The following PCMT1 variants were observed in gnomAD, a reference collection of about 807,000 sequenced individuals.
The protein encoded by PCMT1 is protein-L-isoaspartate(D-aspartate) O-methyltransferase.
PCMT1 carries 9 observed loss-of-function variants against 29.2 expected under a neutral mutation model. The observed-to-expected ratio is 0.31, with a 90% CI of 0.19 to 0.54. The LOEUF is 0.54. PCMT1 is among the 20% of genes least tolerant of loss of function. The probability of loss-of-function intolerance (pLI) is 0.95; values close to 1 mark genes in which losing one functional copy is unlikely to be tolerated. For synonymous variants in PCMT1, 98 were observed against 97.5 expected, an observed-to-expected ratio of 1.00 and a Z score of -0.03; for missense variants, 184 against 282.2, an observed-to-expected ratio of 0.65 and a Z score of 2.49.
At chr6:149,805,939 CAAA>C (rs58998570) in intron 7 of PCMT1, among the ~76,000 whole-genome samples, 23 of 86,178 alleles carry the variant, frequency 2.7e-4, no homozygotes, top group African/African-American at 5.2e-4. Flanking sequence ...GACTCTGTCT[CAAA>C]AAAAAAAAAA....
intron 1 of PCMT1, among the ~76,000 whole-genome samples, chr6:149,752,126 G>A (rs1258096630): frequency 6.8e-6 from 1 of 147,312 alleles, no homozygotes; most frequent in Non-Finnish European, 1.5e-5. Context: ...CAATTTGTTG[G>A]ACTCAGGCTC....
In PCMT1 at chr6:149,796,579, T is replaced by C. The variant is rs1583052898; in HGVS notation, c.504+79T>C. 6 of 961,246 alleles carry C rather than the reference T, an allele frequency of 6.2e-6. No homozygotes were observed. The East Asian group carries it at 1.5e-4, about 24-fold the overall frequency. The allele number at this position is 961,246 out of a possible 1,614,324, so 59.5% of individuals were successfully genotyped here. ...GACTTAAATAGAAAAGACTTCTAGATGATGTTCAAAATATAATTAGACTTT... is the reference window on the plus strand; with the variant it reads ...GACTTAAATAGAAAAGACTTCTAGACGATGTTCAAAATATAATTAGACTTT... On this transcript the variant is annotated intron_variant, in intron 6 of 7. Transcript: ENST00000464889.
At chr6:149,808,972 G>A (rs897698909) in intron 7 of PCMT1, among the ~76,000 whole-genome samples, 79 of 148,598 alleles carry the variant, frequency 5.3e-4, no homozygotes, top group African/African-American at 1.8e-3. Context: ...CAATATCTTT[G>A]GCTTGGGCAT....
At position 149,749,784 on chromosome 6, in the gene PCMT1, C is replaced by CAGCGGGGACGCG. The variant is rs965069632; in HGVS notation, c.-110_-99dup. The CAGCGGGGACGCG allele has an allele frequency of 6.4e-7, 1 of 1,550,816 alleles. No individual in the cohort carries two copies. The highest frequency in any genetic ancestry group is 8.7e-7 in the Non-Finnish European group (1 of 1,146,748). ...GCGACGGCAGTAACAGCGGCAGCTA[C>CAGCGGGGACGCG]AGCGGGGACGCGAGCGGGGCGGTGA... On this transcript the variant is annotated 5_prime_UTR_variant, in exon 1 of 8. Coordinates refer to ENST00000464889, the MANE Select transcript of PCMT1 (RefSeq NM_001360452.2).
In PCMT1 at chr6:149,759,483, T is replaced by TTTCCTTTC. The variant is rs1554251257; in HGVS notation, c.55+9529_55+9530insCCTTTCTT. ...TGACTTGAAATCTATCTGCAGCTTA[T>TTTCCTTTC]TTTCTTTCTTTCTTTCTTTCTTTTT... On this transcript the variant is annotated intron_variant, in intron 1 of 7. Transcript: ENST00000464889. 3.1e-4 allele frequency among the ~76,000 whole-genome samples: 47 copies of TTTCCTTTC among 151,928 alleles called. 3 individuals are homozygous for TTTCCTTTC.
Position 149,756,512 on chromosome 6 carries a change from C to CTATTT in PCMT1, c.55+6557_55+6558insATTTT, listed in dbSNP as rs1407016123. On this transcript the variant is annotated intron_variant, in intron 1 of 7. Transcript: ENST00000464889. ...TACAGATGCACACCACCATGACTGGCTTTTTTTTTTTTTTTTTTTTTTTTT... is the reference window on the plus strand; with the variant it reads ...TACAGATGCACACCACCATGACTGGCTATTTTTTTTTTTTTTTTTTTTTTTTTTTT... 3.3e-3 allele frequency among the ~76,000 whole-genome samples: 250 copies of CTATTT among 74,718 alleles called. 55 individuals are homozygous for CTATTT. The highest frequency in any genetic ancestry group is 0.013 in the African/African-American group (242 of 18,630). 49.0% of individuals were successfully genotyped at this position (74,718 alleles called of 152,430 possible). A position where few individuals can be genotyped will look rare whatever the true frequency, so the allele number is the denominator to read the frequency against.
chr6:149,801,777 T>C lies in PCMT1; in HGVS notation c.505-423T>C, dbSNP rs189307553. 2.0e-3 allele frequency among the ~76,000 whole-genome samples: 307 copies of C among 152,290 alleles called. 1 individual carries two copies. The highest frequency in any genetic ancestry group is 3.4e-3 in the Non-Finnish European group (234 of 68,018). ...TTTGTATATACTAAATAAAGAACGT[T>C]TCTGCTTTCTGCCTATGGACACTAA... is the stretch of plus-strand genomic sequence containing the variant. On this transcript the variant is annotated intron_variant, in intron 6 of 7. Transcript: ENST00000464889.
chr6:149,774,300 C>T (rs1339356349), intron 3 of PCMT1, among the ~76,000 whole-genome samples: 3 of 148,392 alleles, frequency 2.0e-5, no homozygotes, highest in South Asian at 4.3e-4. Context: ...TGTGCAGTGG[C>T]GCGATCTTGG....
At chr6:149,750,720 C>G (rs1786280227) in intron 1 of PCMT1, among the ~76,000 whole-genome samples, 1 of 152,100 alleles carries the variant, frequency 6.6e-6, no homozygotes. Context: ...TGTGGAGTTT[C>G]TTTATATCAC....
In PCMT1 at chr6:149,749,745, T is replaced by TGGCGGCAGCGGCGGCGACGGCAGTAAC. The variant is rs1562390827; in HGVS notation, c.-156_-130dup. 2 of 1,546,016 alleles carry TGGCGGCAGCGGCGGCGACGGCAGTAAC rather than the reference T, an allele frequency of 1.3e-6. No individual in the cohort carries two copies. Among genetic ancestry groups the TGGCGGCAGCGGCGGCGACGGCAGTAAC allele is most frequent in the African/African-American group, 2.7e-5 (2 of 72,858 alleles). On this transcript the variant is annotated 5_prime_UTR_variant, in exon 1 of 8. Coordinates refer to ENST00000464889, the MANE Select transcript of PCMT1 (RefSeq NM_001360452.2). ...CGCGGGGGATGCCGGGAGCGCGCAG[T>TGGCGGCAGCGGCGGCGACGGCAGTAAC]GGCGGCAGCGGCGGCGACGGCAGTA...
chr6:149,780,051 A>G (rs746796856), intron 3 of PCMT1, among the ~76,000 whole-genome samples: 3 of 151,578 alleles, frequency 2.0e-5, no homozygotes, highest in African/African-American at 7.3e-5. Context: ...TTAAGATACA[A>G]TTCTTGGCTA....
At chr6:149,789,778 T>G (rs144996172) in intron 3 of PCMT1, among the ~76,000 whole-genome samples, 176 bp from the exon 4 acceptor site, 9 of 152,282 alleles carry the variant, frequency 5.9e-5, no homozygotes, top group African/African-American at 1.9e-4. Context: ...ATGATCTGAA[T>G]GTAAGAATTC....
chr6:149,794,161 T>C (rs1365828827), intron 5 of PCMT1, among the ~76,000 whole-genome samples: 1 of 152,196 alleles, frequency 6.6e-6, no homozygotes, highest in East Asian at 1.9e-4. Flanking sequence ...TGAAGATATG[T>C]CTCTTATTAT....
intron 1 of PCMT1, among the ~76,000 whole-genome samples, chr6:149,756,514 T>A (rs1815639): frequency 0.18 from 8,348 of 45,162 alleles, 1,190 homozygotes; most frequent in East Asian, 0.53. Context: ...ATGACTGGCT[T>A]TTTTTTTTTT....
chr6:149,779,955 G>T, intron 3 of PCMT1, among the ~76,000 whole-genome samples: 1 of 152,142 alleles, frequency 6.6e-6, no homozygotes, highest in South Asian at 2.1e-4. Flanking sequence ...AGTTTGGTCT[G>T]GGTGTCCAGT....
At chr6:149,769,308 C>CTGTTTTTTTTTTTTTTTT (rs1787214241) in intron 1 of PCMT1, among the ~76,000 whole-genome samples, 1 of 71,562 alleles carries the variant, frequency 1.4e-5, no homozygotes, top group Non-Finnish European at 2.2e-5. Context: ...GTGCAGGATT[C>CTGTTTTTTTTTTTTTTTT]TTTTTTTTTT....
chr6:149,810,389 T>A (rs973492403), intron 7 of PCMT1, among the ~76,000 whole-genome samples: 2 of 152,232 alleles, frequency 1.3e-5, no homozygotes, highest in South Asian at 4.1e-4. Flanking sequence ...AATGAAGAAC[T>A]CACGCCCTTT....
intron 7 of PCMT1, among the ~76,000 whole-genome samples, chr6:149,810,293 C>T (rs552119100): frequency 1.3e-5 from 2 of 152,250 alleles, no homozygotes; most frequent in Admixed American, 6.5e-5. Context: ...TGTCATTTTA[C>T]TATAGTGTAA....
At position 149,790,037 on chromosome 6, in the gene PCMT1, T is replaced by C. The variant is rs766204251; in HGVS notation, c.276T>C (p.Leu92=). The change falls in exon 4 of 8, where the codon CTT becomes CTC. Residue 92 remains leucine, a synonymous_variant. Coordinates refer to ENST00000464889, the MANE Select transcript of PCMT1 (RefSeq NM_001360452.2). ...ALDVGSGSGI[L]TACFARMVGC... ...ATGTAGGATCTGGAAGTGGAATCCT[T>C]ACTGCATGTTTTGCACGTATGGTAA... 10 of 1,606,604 alleles carry C rather than the reference T, an allele frequency of 6.2e-6. No homozygotes were observed. The highest frequency in any genetic ancestry group is 8.5e-7 in the Non-Finnish European group (1 of 1,174,612).
Sources: allele counts gnomAD v4.1 joint callset (sites outside exome capture counted in the v4.1 genomes callset), GRCh38; gene constraint gnomAD v4.1.1; transcripts MANE v1.5; gene names NCBI Gene and HGNC (gene_info 2026-07-23, HGNC 2026-07-21).